PCDH1: variants seen among roughly 807,000 people sequenced by gnomAD.
The protein encoded by PCDH1 is protocadherin-1.
PCDH1 carries 23 observed loss-of-function variants against 74.6 expected under a neutral mutation model. That is an observed-to-expected ratio of 0.31 (90% CI 0.22 to 0.44). PCDH1 has a LOEUF of 0.44. PCDH1 is among the 20% of genes least tolerant of loss of function. PCDH1 has a pLI of 1.00. For missense variants in PCDH1, 1,214 were observed against 1,641.4 expected (o/e 0.74, Z 4.50); for synonymous variants, 647 against 686.1 (o/e 0.94, Z 0.89).
At chr5:141,855,400 C>T (rs1752297329) in intron 4 of PCDH1, among the ~76,000 whole-genome samples, 1 of 152,172 alleles carries the variant, frequency 6.6e-6, no homozygotes, top group African/African-American at 2.4e-5. Context: ...TCCAGACAGA[C>T]TTAAATGTGC....
intron 4 of PCDH1, among the ~76,000 whole-genome samples, chr5:141,856,702 C>T (rs1010354360): frequency 1.3e-4 from 20 of 151,794 alleles, no homozygotes; most frequent in African/African-American, 4.4e-4. Flanking sequence ...GACCTCCTAC[C>T]GCGCTCTTCC....
Position 141,854,270 on chromosome 5 carries a change from T to C in PCDH1, c.3486A>G (p.Gly1162=). 6.2e-7 allele frequency: 1 copy of C among 1,613,272 alleles called. No individual in the cohort carries two copies. Among genetic ancestry groups the C allele is most frequent in the Non-Finnish European group, 8.5e-7 (1 of 1,179,712 alleles). Reference sequence around the variant, plus strand: ...TGCCGGCGCCCGCAGGCTCCTGCCCTCCTCGGTCCTGGTAAGGCACGAAGG... The same window carrying C: ...TGCCGGCGCCCGCAGGCTCCTGCCCCCCTCGGTCCTGGTAAGGCACGAAGG... The part of the protein sequence containing the change: ...LSTFVPYQDR[G]GQEPAGAGSP... The change falls in exon 5 of 5, where the codon GGA becomes GGG. Residue 1162 remains glycine (G), a synonymous_variant. Coordinates refer to ENST00000287008, the MANE Select transcript of PCDH1 (RefSeq NM_032420.5).
At chr5:141,873,756 C>A (rs538391707) in intron 1 of PCDH1, among the ~76,000 whole-genome samples, 1 of 152,150 alleles carries the variant, frequency 6.6e-6, no homozygotes, top group Non-Finnish European at 1.5e-5. Context: ...CTGCGCCCAG[C>A]CCCTGCAAAC....
At chr5:141,862,273 T>A (rs773615515) in intron 3 of PCDH1, among the ~76,000 whole-genome samples, 10 of 152,202 alleles carry the variant, frequency 6.6e-5, no homozygotes, top group South Asian at 2.1e-4. Context: ...TGCTCCAGTC[T>A]GAGGTCTGTC....
In PCDH1 at chr5:141,876,851, G is replaced by T. The variant is rs185434058; in HGVS notation, c.40+1372C>A. 2.2e-3 allele frequency among the ~76,000 whole-genome samples: 328 copies of T among 152,326 alleles called. 3 individuals are homozygous for T. The highest frequency in any genetic ancestry group is 7.5e-3 in the African/African-American group (310 of 41,582). On this transcript the variant is annotated intron_variant, in intron 1 of 4. Transcript: ENST00000287008. ...CTCAGAAAACTCAGCTAAATGGCTG[G>T]AAGAGGGTCGCAATCACCGTCCCAG...
At chr5:141,873,483 G>GT (rs1753146596) in intron 1 of PCDH1, among the ~76,000 whole-genome samples, 1 of 142,420 alleles carries the variant, frequency 7.0e-6, no homozygotes, top group Non-Finnish European at 1.5e-5. Context: ...GTCTTGCTCT[G>GT]TTGCCCAGGC....
At chr5:141,875,595 T>A (rs1016183795) in intron 1 of PCDH1, among the ~76,000 whole-genome samples, 36 of 151,292 alleles carry the variant, frequency 2.4e-4, no homozygotes, top group African/African-American at 8.3e-4. Context: ...CCTGCAGAAG[T>A]AGCCACAGCA....
At position 141,868,308 on chromosome 5, in the gene PCDH1, C is replaced by T. The variant is rs1188172826; in HGVS notation, c.903+261G>A. ...GGAGTTTTACTTCTCAGAGGTTCCC[C>T]CAGCTTGAGTCTGCCTTAGGGGTCA... On this transcript the variant is annotated intron_variant, in intron 2 of 4. Transcript: ENST00000287008. The surrounding 1 kb of genome is among the most constrained non-coding windows in gnomAD (Gnocchi z 4.8). 6.6e-6 allele frequency among the ~76,000 whole-genome samples: 1 copy of T among 152,198 alleles called. No individual in the cohort carries two copies. Among genetic ancestry groups the T allele is most frequent in the Admixed American group, 6.5e-5 (1 of 15,286 alleles).
Position 141,865,954 on chromosome 5 carries a change from G to A in PCDH1, c.904-527C>T, listed in dbSNP as rs1187417305. 1.1e-5 allele frequency: 7 copies of A among 652,674 alleles called. No individual in the cohort carries two copies. The highest frequency in any genetic ancestry group is 1.3e-5 in the Non-Finnish European group (7 of 518,918). The allele number at this position is 652,674 out of a possible 1,614,324, so 40.4% of individuals were successfully genotyped here. On this transcript the variant is annotated intron_variant, in intron 2 of 4. Transcript: ENST00000287008. The surrounding 1 kb of genome is among the most constrained non-coding windows in gnomAD (Gnocchi z 4.4). ...TAAATGTGATATGTTTGTGTGAGAA[G>A]GTATATGTGTTTGTATGTGTATGAT... is the stretch of plus-strand genomic sequence containing the variant.
Position 141,863,550 on chromosome 5 carries a change from G to A in PCDH1, c.2781C>T (p.Asp927=), listed in dbSNP as rs201078145. The A allele has an allele frequency of 2.6e-4, 414 of 1,613,986 alleles. No individual in the cohort carries two copies. Among genetic ancestry groups the A allele is most frequent in the Non-Finnish European group, 3.3e-4 (391 of 1,180,008 alleles). The change falls in exon 3 of 5, where the codon GAC becomes GAT. Residue 927 remains aspartate, a synonymous_variant. Transcript: ENST00000287008. The surrounding 1 kb of genome is among the most constrained non-coding windows in gnomAD (Gnocchi z 7.5). ...KSPKPVKPVE[D]EDEAGLQKSL... ...ACTTCTGCAGCCCGGCCTCATCCTC[G>A]TCCTCCACTGGCTTCACGGGCTTTG... is the stretch of plus-strand genomic sequence containing the variant.
intron 1 of PCDH1, among the ~76,000 whole-genome samples, chr5:141,876,659 C>G (rs1753243511): frequency 6.6e-6 from 1 of 152,224 alleles, no homozygotes; most frequent in Admixed American, 6.5e-5. Flanking sequence ...CCTACAAATT[C>G]TGCTCCTATG....
Position 141,854,431 on chromosome 5 carries a change from G to A in PCDH1, c.3325C>T (p.Arg1109Cys), listed in dbSNP as rs757214238. Reference protein sequence around the residue: ...GEMEHPENDLRPLPDVAMTGT... With the variant: ...GEMEHPENDLCPLPDVAMTGT... ...GTCATGGCGACATCAGGCAAAGGGC[G>A]AAGGTCTGTAGGAGGGAGCGGGGAA... Residue 1109 changes from arginine (R) to cysteine (C), a missense_variant, in exon 5 of 5, where the codon CGC becomes TGC. Coordinates refer to ENST00000287008, the MANE Select transcript of PCDH1 (RefSeq NM_032420.5). 23 of 1,606,780 alleles carry A rather than the reference G, an allele frequency of 1.4e-5. No homozygotes were observed. The African/African-American group carries it at 1.5e-4, about 10-fold the overall frequency.
chr5:141,869,534 C>A lies in PCDH1; in HGVS notation c.41-103G>T. 1.9e-6 allele frequency: 3 copies of A among 1,543,702 alleles called. No individual in the cohort carries two copies. The highest frequency in any genetic ancestry group is 1.2e-5 in the South Asian group (1 of 84,334). On this transcript the variant is annotated intron_variant, in intron 1 of 4. Transcript: ENST00000287008. The surrounding 1 kb of genome is among the most constrained non-coding windows in gnomAD (Gnocchi z 4.9). ...ATACTCACCCTCTCCCACTGACACA[C>A]GATTCTCCACAAGAGCAGTCAGTCC... is the stretch of plus-strand genomic sequence containing the variant.
chr5:141,877,344 T>G (rs1340320577), intron 1 of PCDH1, among the ~76,000 whole-genome samples: 1 of 152,194 alleles, frequency 6.6e-6, no homozygotes, highest in African/African-American at 2.4e-5. Flanking sequence ...GCTGAGATAC[T>G]GGGTTGTGTG....
intron 1 of PCDH1, among the ~76,000 whole-genome samples, chr5:141,872,291 C>T (rs1337692198): frequency 6.6e-6 from 1 of 152,228 alleles, no homozygotes; most frequent in African/African-American, 2.4e-5. Context: ...TATCACTGTG[C>T]ACCCTAATTC....
In PCDH1 at chr5:141,869,378, G is replaced by A. The variant is rs1339786561; in HGVS notation, c.94C>T (p.Pro32Ser). 4.4e-6 allele frequency: 7 copies of A among 1,597,332 alleles called. No individual in the cohort carries two copies. The highest frequency in any genetic ancestry group is 1.3e-5 in the African/African-American group (1 of 74,842). The change falls in exon 2 of 5, where the codon CCT (proline) becomes TCT (serine). Residue 32 changes from proline to serine, a missense_variant. Physicochemically the swap from Pro to Ser is moderately conservative, Grantham distance 74 (BLOSUM62 -1). This residue lies in a region of PCDH1 where 87 missense variants were observed against 87.7 expected (regional missense o/e 0.99). Coordinates refer to ENST00000287008, the MANE Select transcript of PCDH1 (RefSeq NM_032420.5). This position sits in a 1 kb window ranked among gnomAD's most constrained non-coding sequence, Gnocchi z 4.9. ...RMEHLRHSPG[P>S]GGQRLLLPSM... ...GGCAGCAGTAGCCGTTGCCCCCCAG[G>A]GCCTGGGCTGTGCCTCAGGTGCTCC...
Position 141,854,120 on chromosome 5 carries a change from G to A in PCDH1, c.3636C>T (p.Pro1212=), listed in dbSNP as rs1005754218. The A allele has an allele frequency of 3.8e-6, 6 of 1,585,450 alleles. No individual in the cohort carries two copies. Among genetic ancestry groups the A allele is most frequent in the South Asian group, 1.2e-5 (1 of 86,886 alleles). The stretch of plus-strand genomic sequence containing the variant: ...GTGGGAAGTCCGAGGTCTGGGTCAG[G>A]GGGATTTCCTCCAAGGTGGCCGAGT... ...CKDSATLEEI[P]LTQTSDFPPA... Residue 1212 remains proline, a synonymous_variant, in exon 5 of 5, where the codon CCC becomes CCT. Coordinates refer to ENST00000287008, the MANE Select transcript of PCDH1 (RefSeq NM_032420.5).
Position 141,864,366 on chromosome 5 carries a change from G to T in PCDH1, c.1965C>A (p.Asn655Lys), listed in dbSNP as rs374516458. 1.2e-5 allele frequency: 20 copies of T among 1,613,932 alleles called. No homozygotes were observed. The highest frequency in any genetic ancestry group is 1.6e-5 in the Non-Finnish European group (19 of 1,179,968). The change falls in exon 3 of 5, where the codon AAC becomes AAA. Residue 655 changes from asparagine (N) to lysine (K), a missense_variant. This residue lies in a region of PCDH1 where 836 missense variants were observed against 1,182.2 expected (regional missense o/e 0.71). Coordinates refer to ENST00000287008, the MANE Select transcript of PCDH1 (RefSeq NM_032420.5). The surrounding 1 kb of genome is among the most constrained non-coding windows in gnomAD (Gnocchi z 5.9). ...AQVQLSVEQDNGDFVIQNGTG... is the reference protein window; with the variant it reads ...AQVQLSVEQDKGDFVIQNGTG... ...TGCCATTCTGGATAACAAAGTCACC[G>T]TTGTCCTGCTCCACTGAGAGCTGCA...
chr5:141,870,625 C>T (rs1407162812), intron 1 of PCDH1, among the ~76,000 whole-genome samples: 1 of 152,116 alleles, frequency 6.6e-6, no homozygotes, highest in Admixed American at 6.5e-5. Flanking sequence ...TTCACACTTG[C>T]CTCTCCCAAC....
Sources: allele counts gnomAD v4.1 joint callset (sites outside exome capture counted in the v4.1 genomes callset), GRCh38; gene constraint gnomAD v4.1.1; regional missense constraint gnomAD v4.1.1; non-coding constraint Gnocchi (gnomAD v3.1); transcripts MANE v1.5; gene names NCBI Gene and HGNC (gene_info 2026-07-23, HGNC 2026-07-21).